Variants in GALNT17 observed in about 807,000 individuals in gnomAD.
GALNT17 encodes the protein UDP-GalNAc:polypeptide N-acetylgalactosaminyltransferase-like 3.
GALNT17 carries 29 observed loss-of-function variants against 63.7 expected under a neutral mutation model. That is an observed-to-expected ratio of 0.46 (90% confidence interval 0.34 to 0.62). The LOEUF (loss-of-function observed/expected upper bound fraction) is 0.62. Among genes scored for constraint, GALNT17 ranks in the 20% least tolerant of loss-of-function variants. The pLI, the probability that GALNT17 is intolerant of heterozygous loss-of-function variation, is 0.01. For missense variants in GALNT17, 603 were observed against 799.6 expected (o/e 0.75, Z 2.97); for synonymous variants, 305 against 318.3 (o/e 0.96, Z 0.45).
At chr7:71,487,710 G>C (rs1319529343) in intron 5 of GALNT17, among the ~76,000 whole-genome samples, 1 of 152,132 alleles carries the variant, frequency 6.6e-6, no homozygotes, top group East Asian at 1.9e-4. Context: ...CAGAATTATA[G>C]TAGTATTAAA....
chr7:71,276,902 G>A (rs1045588982), intron 1 of GALNT17, among the ~76,000 whole-genome samples: 2 of 152,150 alleles, frequency 1.3e-5, no homozygotes, highest in Non-Finnish European at 2.9e-5. Flanking sequence ...GGAGGCTGAG[G>A]CAGGAGAATC....
At chr7:71,211,380 C>CGTG (rs1383938511) in intron 1 of GALNT17, among the ~76,000 whole-genome samples, 3 of 152,216 alleles carry the variant, frequency 2.0e-5, no homozygotes, top group Non-Finnish European at 2.9e-5. Flanking sequence ...TACCTCCCCA[C>CGTG]ATGATTCTGA....
intron 1 of GALNT17, among the ~76,000 whole-genome samples, chr7:71,226,851 C>T (rs1400783277): frequency 6.6e-6 from 1 of 152,012 alleles, no homozygotes; most frequent in East Asian, 1.9e-4. Context: ...CAAAAGGCTC[C>T]GTGGTCCTTT....
intron 1 of GALNT17, among the ~76,000 whole-genome samples, chr7:71,177,837 G>A (rs547756328): frequency 6.6e-6 from 1 of 152,102 alleles, no homozygotes; most frequent in Non-Finnish European, 1.5e-5. Flanking sequence ...TCAAGAAACT[G>A]GAGTATAGCT....
At chr7:71,242,533 G>A (rs779262927) in intron 1 of GALNT17, among the ~76,000 whole-genome samples, 14 of 152,032 alleles carry the variant, frequency 9.2e-5, no homozygotes, top group Non-Finnish European at 1.9e-4. Flanking sequence ...CTCCCAAAGT[G>A]CTGGGATTAC....
intron 5 of GALNT17, among the ~76,000 whole-genome samples, chr7:71,525,126 G>T (rs551419445): frequency 1.3e-5 from 2 of 152,106 alleles, no homozygotes; most frequent in Non-Finnish European, 2.9e-5. Context: ...AATTACTTTT[G>T]CACCAACTCA....
At chr7:71,425,962 A>G (rs1247697542) in intron 5 of GALNT17, among the ~76,000 whole-genome samples, 1 of 152,142 alleles carries the variant, frequency 6.6e-6, no homozygotes, top group Admixed American at 6.6e-5. Flanking sequence ...CACGTATTAC[A>G]TGGCCAGAGT....
At chr7:71,660,356 C>T (rs1790889932) in intron 6 of GALNT17, among the ~76,000 whole-genome samples, 1 of 152,198 alleles carries the variant, frequency 6.6e-6, no homozygotes, top group Non-Finnish European at 1.5e-5. Context: ...GTCCTCCTCC[C>T]TCCACTGTGT....
chr7:71,619,564 G>A (rs1409794421), intron 6 of GALNT17, among the ~76,000 whole-genome samples: 4 of 152,126 alleles, frequency 2.6e-5, no homozygotes, highest in Admixed American at 2.0e-4. Context: ...ATTTTAAGTA[G>A]GATTGTGTTC....
chr7:71,377,915 A>G (rs1792775550), intron 2 of GALNT17, among the ~76,000 whole-genome samples: 2 of 152,148 alleles, frequency 1.3e-5, no homozygotes, highest in South Asian at 4.1e-4. Flanking sequence ...GAGGCCTTCC[A>G]AGCCATGTGG....
At chr7:71,336,537 C>T (rs1417227023) in intron 2 of GALNT17, among the ~76,000 whole-genome samples, 13 of 152,140 alleles carry the variant, frequency 8.5e-5, no homozygotes, top group Admixed American at 3.9e-4. Context: ...TTGTTCCCCT[C>T]TTTATGTCCA....
At chr7:71,371,264 G>GT (rs1188539649) in intron 2 of GALNT17, among the ~76,000 whole-genome samples, 1 of 152,024 alleles carries the variant, frequency 6.6e-6, no homozygotes, top group Admixed American at 6.6e-5. Context: ...AAATCGATGT[G>GT]TTTTTCTGTT....
chr7:71,236,055 C>T (rs931399715), intron 1 of GALNT17, among the ~76,000 whole-genome samples: 2 of 152,022 alleles, frequency 1.3e-5, no homozygotes, highest in Admixed American at 1.3e-4. Flanking sequence ...GTGGCAGGCA[C>T]CTGTAATCCC....
intron 1 of GALNT17, among the ~76,000 whole-genome samples, chr7:71,142,086 T>TCTTGAAC (rs1787907827): frequency 6.6e-6 from 1 of 151,604 alleles, no homozygotes; most frequent in Middle Eastern, 3.4e-3. Flanking sequence ...GCCAGCCCTG[T>TCTTGAAC]CTTGAACTCC....
At chr7:71,550,536 AT>A (rs1435444050) in intron 5 of GALNT17, among the ~76,000 whole-genome samples, 1 of 152,066 alleles carries the variant, frequency 6.6e-6, no homozygotes, top group African/African-American at 2.4e-5. Flanking sequence ...CTGTGCCACT[AT>A]GCCCAGCTAA....
chr7:71,658,708 C>G (rs1011680443), intron 6 of GALNT17, among the ~76,000 whole-genome samples: 6 of 151,942 alleles, frequency 3.9e-5, no homozygotes, highest in Non-Finnish European at 8.8e-5. Context: ...GCCAACATGG[C>G]AAAACCCCAT....
At chr7:71,182,478 G>T (rs1456959035) in intron 1 of GALNT17, among the ~76,000 whole-genome samples, 3 of 152,152 alleles carry the variant, frequency 2.0e-5, no homozygotes. Context: ...AGGCCGTGTA[G>T]GAGTATTTTT....
chr7:71,325,341 C>T (rs945846613), intron 1 of GALNT17, among the ~76,000 whole-genome samples: 14 of 152,120 alleles, frequency 9.2e-5, no homozygotes, highest in Admixed American at 3.9e-4. Context: ...CAGTGGAAGA[C>T]GGGCTGCATG....
intron 1 of GALNT17, among the ~76,000 whole-genome samples, chr7:71,151,044 T>C (rs866858240): frequency 1.3e-5 from 2 of 152,000 alleles, no homozygotes; most frequent in South Asian, 2.1e-4. Context: ...AGTACTGTGC[T>C]GTCCAGCCAT....
Sources: allele counts gnomAD v4.1 joint callset (sites outside exome capture counted in the v4.1 genomes callset), GRCh38; gene constraint gnomAD v4.1.1; transcripts MANE v1.5; gene names NCBI Gene and HGNC (gene_info 2026-07-23, HGNC 2026-07-21).